The following DNTTIP1 variants were observed in gnomAD, a reference collection of about 807,000 sequenced individuals.
DNTTIP1 encodes deoxynucleotidyltransferase terminal interacting protein 1.
A neutral mutation model predicts 52.9 loss-of-function variants in DNTTIP1; 22 were observed. That is an observed-to-expected ratio of 0.42 (90% CI 0.30 to 0.59). The LOEUF (loss-of-function observed/expected upper bound fraction) is 0.59, where lower values mean the gene tolerates loss of function less well. DNTTIP1 is among the 20% of genes least tolerant of loss of function. The pLI is 0.22. For missense variants in DNTTIP1, 286 were observed against 435.5 expected (o/e 0.66, Z 3.06); for synonymous variants, 136 against 155.1 (o/e 0.88, Z 0.92).
chr20:45,810,290 C>T (rs1981780818), intron 11 of DNTTIP1, among the ~76,000 whole-genome samples: 1 of 152,148 alleles, frequency 6.6e-6, no homozygotes, highest in Non-Finnish European at 1.5e-5. Flanking sequence ...CACTGTAGAC[C>T]GAGGCATTGT....
intron 2 of DNTTIP1, among the ~76,000 whole-genome samples, chr20:45,793,474 C>A (rs1382073956): frequency 6.6e-6 from 1 of 151,674 alleles, no homozygotes; most frequent in Non-Finnish European, 1.5e-5. Flanking sequence ...CTGAGGCGGG[C>A]AGATCACCTG....
In DNTTIP1 at chr20:45,792,754, C is replaced by G. The variant is rs1294504495; in HGVS notation, c.176+7C>G. 6.2e-7 allele frequency: 1 copy of G among 1,607,274 alleles called. No individual in the cohort carries two copies. Among genetic ancestry groups the G allele is most frequent in the Non-Finnish European group, 8.5e-7 (1 of 1,177,476 alleles). On this transcript the variant is annotated splice_region_variant and intron_variant, in intron 2 of 12. Coordinates refer to ENST00000372622, the MANE Select transcript of DNTTIP1 (RefSeq NM_052951.3). ...GCTCACAGATGACAACAAGGTAAGGCTGGCCCTGCATGGGGCTTATATCCC... is the reference window on the plus strand; with the variant it reads ...GCTCACAGATGACAACAAGGTAAGGGTGGCCCTGCATGGGGCTTATATCCC...
chr20:45,792,207 T>G, intron 1 of DNTTIP1, 98 bp downstream of exon 1: 1 of 731,520 alleles, frequency 1.4e-6, no homozygotes, highest in Non-Finnish European at 1.9e-6. Flanking sequence ...AGGCTGGAGC[T>G]GCAGAGGGGG....
At position 45,805,309 on chromosome 20, in the gene DNTTIP1, C is replaced by T; in HGVS notation, c.666C>T (p.Ala222=). Residue 222 remains alanine, a synonymous_variant, in exon 10 of 13, where the codon GCC becomes GCT. Coordinates refer to ENST00000372622, the MANE Select transcript of DNTTIP1 (RefSeq NM_052951.3). ...CCACTTGGCTTTTACTTTTCAGAGC[C>T]CTGGGGATGGGGGGCACCAGAGGAA... ...TFVLGSRANK[A]LGMGGTRGRI... is the part of the protein sequence containing the mutation. The T allele has an allele frequency of 6.2e-7, 1 of 1,614,108 alleles. No homozygotes were observed. Among genetic ancestry groups the T allele is most frequent in the Non-Finnish European group, 8.5e-7 (1 of 1,180,038 alleles).
At chr20:45,793,091 A>T (rs1038212492) in intron 2 of DNTTIP1, among the ~76,000 whole-genome samples, 10 of 152,214 alleles carry the variant, frequency 6.6e-5, no homozygotes, top group Non-Finnish European at 1.3e-4. Context: ...CTGTGTTCTC[A>T]TCAACAGACT....
In DNTTIP1 at chr20:45,791,997, G is replaced by GA; in HGVS notation, c.-8_-7insA. ...GAGTCCAGCGGAGTTGTGGGGGCCG[G>GA]GGGCGCCATGGGAGCCACTGGCGAC... On this transcript the variant is annotated 5_prime_UTR_variant, in exon 1 of 13. Transcript: ENST00000372622. 1 of 1,253,336 alleles carries GA rather than the reference G, an allele frequency of 8.0e-7. No homozygotes were observed. Among genetic ancestry groups the GA allele is most frequent in the Non-Finnish European group, 1.0e-6 (1 of 997,272 alleles). 77.6% of individuals were successfully genotyped at this position (1,253,336 alleles called of 1,614,324 possible).
Position 45,792,676 on chromosome 20 carries a change from G to A in DNTTIP1, c.106-1G>A, listed in dbSNP as rs756176744. ...GACATTTGTTCCGTTGGTCCCCACA[G>A]AACCCTTGGAACATAATGATAAAGC... On this transcript the variant is annotated splice_acceptor_variant, in intron 1 of 12. Transcript: ENST00000372622. LOFTEE classifies it high-confidence loss of function. 1.9e-6 allele frequency: 3 copies of A among 1,608,278 alleles called. No homozygotes were observed.
chr20:45,793,710 A>G (rs1981128400), intron 2 of DNTTIP1, among the ~76,000 whole-genome samples: 1 of 152,186 alleles, frequency 6.6e-6, no homozygotes, highest in Non-Finnish European at 1.5e-5. Flanking sequence ...AAAAAAAAAA[A>G]CTTTGAAAAT....
In DNTTIP1 at chr20:45,805,370, G is replaced by A. The variant is rs751701084; in HGVS notation, c.723+4G>A. 1 of 1,613,962 alleles carries A rather than the reference G, an allele frequency of 6.2e-7. No individual in the cohort carries two copies. Among genetic ancestry groups the A allele is most frequent in the South Asian group, 1.1e-5 (1 of 91,042 alleles). ...CAAGCACCCACACCTCTTTAAGGTA[G>A]GTGACTGCTGGGAGGAAAGCAGGCC... On this transcript the variant is annotated splice_donor_region_variant and intron_variant, in intron 10 of 12. Coordinates refer to ENST00000372622, the MANE Select transcript of DNTTIP1 (RefSeq NM_052951.3).
chr20:45,800,512 A>G (rs1395827257), intron 4 of DNTTIP1, among the ~76,000 whole-genome samples: 1 of 150,832 alleles, frequency 6.6e-6, no homozygotes, highest in Non-Finnish European at 1.5e-5. Flanking sequence ...CGTTTCTAAT[A>G]AAAATACAAA....
chr20:45,806,236 A>T (rs1981640797), intron 10 of DNTTIP1, among the ~76,000 whole-genome samples: 1 of 151,726 alleles, frequency 6.6e-6, no homozygotes, highest in South Asian at 2.1e-4. Flanking sequence ...CATGCCTGTT[A>T]TCCCAGCTAT....
intron 1 of DNTTIP1, 39 bp downstream of exon 1, chr20:45,792,148 C>G: frequency 8.5e-7 from 1 of 1,180,638 alleles, no homozygotes; most frequent in Non-Finnish European, 1.1e-6. Flanking sequence ...TCAGGCCGGG[C>G]ACGGCCTCGG....
intron 10 of DNTTIP1, 131 bp downstream of exon 10, chr20:45,805,497 C>T: frequency 1.0e-6 from 1 of 971,626 alleles, no homozygotes; most frequent in South Asian, 1.7e-5. Flanking sequence ...GTGCCTCTGC[C>T]ATTCACCTTT....
In DNTTIP1 at chr20:45,807,963, A is replaced by G. The variant is rs1022069980; in HGVS notation, c.724-1151A>G. ...CAATACTCTGTCTCAAAAAATATAT[A>G]TATCAGTTTCTCTTCACTCCTCGAT... On this transcript the variant is annotated intron_variant, in intron 10 of 12. Transcript: ENST00000372622. 1.1e-4 allele frequency among the ~76,000 whole-genome samples: 17 copies of G among 152,044 alleles called. No homozygotes were observed. In the South Asian group the frequency reaches 2.7e-3, roughly 24 times the overall value.
intron 4 of DNTTIP1, among the ~76,000 whole-genome samples, chr20:45,795,951 A>AT (rs903215190): frequency 3.0e-4 from 45 of 151,680 alleles, no homozygotes; most frequent in African/African-American, 1.1e-3. Flanking sequence ...TAAATGCATT[A>AT]TTTTTTTTTA....
intron 10 of DNTTIP1, among the ~76,000 whole-genome samples, chr20:45,806,198 A>G (rs1253150006): frequency 6.6e-6 from 1 of 151,906 alleles, no homozygotes; most frequent in African/African-American, 2.4e-5. Flanking sequence ...TCTACTAAAA[A>G]TACAAAAATT....
chr20:45,804,785 A>T (rs1221883609), intron 8 of DNTTIP1, among the ~76,000 whole-genome samples: 1 of 151,990 alleles, frequency 6.6e-6, no homozygotes, highest in Admixed American at 6.6e-5. Flanking sequence ...ACTTGTGCTC[A>T]CCCTTTCAGA....
chr20:45,791,956 T>A lies in DNTTIP1; in HGVS notation c.-49T>A. The stretch of plus-strand genomic sequence containing the variant: ...CGCTCCAGTGACGTCACGGCGCCAC[T>A]TTCCGGCCGGTGACAGAGTCCAGCG... On this transcript the variant is annotated 5_prime_UTR_variant, in exon 1 of 13. Coordinates refer to ENST00000372622, the MANE Select transcript of DNTTIP1 (RefSeq NM_052951.3). 8.4e-7 allele frequency: 1 copy of A among 1,189,064 alleles called. No individual in the cohort carries two copies. The highest frequency in any genetic ancestry group is 4.1e-5 in the South Asian group (1 of 24,100). 73.7% of individuals were successfully genotyped at this position (1,189,064 alleles called of 1,614,324 possible).
intron 2 of DNTTIP1, among the ~76,000 whole-genome samples, chr20:45,793,194 T>C (rs868446674): frequency 1.3e-5 from 2 of 152,250 alleles, no homozygotes; most frequent in Non-Finnish European, 2.9e-5. Flanking sequence ...GGGATGCTGA[T>C]AGTGGTGAAA....
Sources: allele counts gnomAD v4.1 joint callset (sites outside exome capture counted in the v4.1 genomes callset), GRCh38; gene constraint gnomAD v4.1.1; transcripts MANE v1.5; gene names NCBI Gene and HGNC (gene_info 2026-07-23, HGNC 2026-07-21).